The following AFG2A variants were observed in gnomAD, a reference collection of about 807,000 sequenced individuals.
The protein encoded by AFG2A is AAA ATPase AFG2A, also known as ATPase family gene 2 protein homolog A.
At chr4:123,060,087 A>T in the AFG2A span, among the ~76,000 whole-genome samples, 1 of 152,172 alleles carries the variant, frequency 6.6e-6, no homozygotes, top group Non-Finnish European at 1.5e-5. Context: ...GGTCACACTG[A>T]TGCAAGAGAG....
the AFG2A span, among the ~76,000 whole-genome samples, chr4:123,301,658 T>C: frequency 6.6e-6 from 1 of 152,228 alleles, no homozygotes; most frequent in East Asian, 1.9e-4. Flanking sequence ...GTGCTAATGG[T>C]ATACTTATTG....
At chr4:123,164,577 G>A in the AFG2A span, among the ~76,000 whole-genome samples, 2 of 152,050 alleles carry the variant, frequency 1.3e-5, no homozygotes, top group Non-Finnish European at 2.9e-5. Context: ...CACCATGTTG[G>A]CCAGGCTTTT....
chr4:123,148,025 GA>G, the AFG2A span, among the ~76,000 whole-genome samples: 1 of 151,916 alleles, frequency 6.6e-6, no homozygotes, highest in Non-Finnish European at 1.5e-5. Flanking sequence ...AATTCAAGGA[GA>G]AAAAAAGAGC....
chr4:123,054,019 C>G, the AFG2A span, among the ~76,000 whole-genome samples: 1 of 152,216 alleles, frequency 6.6e-6, no homozygotes, highest in Admixed American at 6.5e-5. Context: ...TGTCACAGTT[C>G]AACTTCCAGG....
At chr4:123,113,923 G>T in the AFG2A span, among the ~76,000 whole-genome samples, 2 of 151,866 alleles carry the variant, frequency 1.3e-5, no homozygotes, top group Non-Finnish European at 2.9e-5. Flanking sequence ...GAGGAGGCCT[G>T]GAGTGGGTGG....
At chr4:123,024,331 GAA>G in the AFG2A span, among the ~76,000 whole-genome samples, 1 of 150,816 alleles carries the variant, frequency 6.6e-6, no homozygotes, top group Non-Finnish European at 1.5e-5. Context: ...AGAAAAAGGA[GAA>G]ATGTGAATAT....
At chr4:123,214,013 T>C in the AFG2A span, among the ~76,000 whole-genome samples, 1 of 152,144 alleles carries the variant, frequency 6.6e-6, no homozygotes, top group Admixed American at 6.6e-5. Flanking sequence ...AAGTAATGTA[T>C]CAGTTATTTT....
chr4:123,251,861 T>A, the AFG2A span, among the ~76,000 whole-genome samples: 1 of 152,216 alleles, frequency 6.6e-6, no homozygotes, highest in South Asian at 2.1e-4. Flanking sequence ...TATTTTATGA[T>A]TTTCCTAATT....
the AFG2A span, among the ~76,000 whole-genome samples, chr4:123,040,501 A>G: frequency 6.6e-6 from 1 of 152,194 alleles, no homozygotes; most frequent in Non-Finnish European, 1.5e-5. Context: ...AGCCCAAAAT[A>G]TTTACTCTCT....
chr4:123,036,123 G>A, the AFG2A span, among the ~76,000 whole-genome samples: 1 of 152,176 alleles, frequency 6.6e-6, no homozygotes, highest in Non-Finnish European at 1.5e-5. Context: ...CACCTTCTGT[G>A]TGTCAGGCAC....
chr4:123,254,365 A>C, the AFG2A span, among the ~76,000 whole-genome samples: 1 of 152,102 alleles, frequency 6.6e-6, no homozygotes, highest in Non-Finnish European at 1.5e-5. Context: ...CCATTTCTTA[A>C]GATAATTTCC....
the AFG2A span, among the ~76,000 whole-genome samples, chr4:123,122,533 A>G: frequency 2.0e-5 from 3 of 152,324 alleles, 1 homozygote; most frequent in East Asian, 5.8e-4. Context: ...TTTCTTCTGA[A>G]CATGTATCAC....
the AFG2A span, among the ~76,000 whole-genome samples, chr4:123,126,586 G>C: frequency 2.0e-5 from 3 of 152,242 alleles, no homozygotes; most frequent in African/African-American, 7.2e-5. Flanking sequence ...AATCATGGGG[G>C]TGCTTACCTC....
the AFG2A span, among the ~76,000 whole-genome samples, chr4:123,036,348 T>C: frequency 2.0e-5 from 3 of 152,160 alleles, no homozygotes; most frequent in South Asian, 6.2e-4. Context: ...GGAAGTATCC[T>C]AACTCCAGGG....
chr4:123,057,435 C>G, the AFG2A span: 2 of 709,028 alleles, frequency 2.8e-6, no homozygotes, highest in Non-Finnish European at 4.6e-6. Context: ...TAATTTTTTC[C>G]TCTTATACCC....
chr4:123,173,469 C>T, the AFG2A span, among the ~76,000 whole-genome samples: 1 of 149,162 alleles, frequency 6.7e-6, no homozygotes, highest in Non-Finnish European at 1.5e-5. Flanking sequence ...GATTCTTCTG[C>T]CTCAGCCTCC....
At chr4:123,244,538 C>T in the AFG2A span, among the ~76,000 whole-genome samples, 1 of 152,200 alleles carries the variant, frequency 6.6e-6, no homozygotes, top group African/African-American at 2.4e-5. Flanking sequence ...ATCTGTCCTA[C>T]GGCATCTGTA....
At chr4:123,082,653 C>T in the AFG2A span, among the ~76,000 whole-genome samples, 1 of 151,250 alleles carries the variant, frequency 6.6e-6, no homozygotes, top group Admixed American at 6.6e-5. Context: ...TATTTTGGAT[C>T]TTTTGCCTCT....
At chr4:123,017,269 A>G in the AFG2A span, among the ~76,000 whole-genome samples, 1 of 148,260 alleles carries the variant, frequency 6.7e-6, no homozygotes, top group Admixed American at 6.7e-5. Flanking sequence ...AGCGAGAGCG[A>G]GAGCGAGAGC....
Sources: gnomAD v4.1 joint callset for allele counts (sites outside exome capture counted in the v4.1 genomes callset) on GRCh38, gnomAD v4.1.1 for gene constraint, MANE v1.5 for transcripts, NCBI Gene and HGNC (gene_info 2026-07-23, HGNC 2026-07-21) for gene names.